Variants in COMMD10 observed in about 807,000 individuals in gnomAD.
The protein encoded by COMMD10 is COMM domain containing 10, also known as COMM domain-containing protein 10.
A neutral mutation model predicts 28.9 loss-of-function variants in COMMD10; 33 were observed. The ratio of observed to expected loss-of-function variants is 1.14; its 90% confidence interval spans 0.87 to 1.53. The LOEUF is 1.53. COMMD10 is among the 40% of genes most tolerant of loss of function. COMMD10 has a pLI of 0.00. For synonymous variants in COMMD10, 110 were observed against 81.7 expected, an observed-to-expected ratio of 1.35 and a Z score of -1.87; for missense variants, 310 against 233.4, an observed-to-expected ratio of 1.33 and a Z score of -2.14.
At chr5:116,168,074 A>T (rs1171153963) in intron 5 of COMMD10, among the ~76,000 whole-genome samples, 2 of 150,756 alleles carry the variant, frequency 1.3e-5, no homozygotes, top group African/African-American at 4.9e-5. Context: ...GGTGTGCTGT[A>T]TTCAGGAGAC....
intron 5 of COMMD10, among the ~76,000 whole-genome samples, chr5:116,250,919 G>A (rs375106925): frequency 3.3e-5 from 5 of 151,982 alleles, no homozygotes; most frequent in African/African-American, 1.2e-4. Flanking sequence ...AAAGGGTGAC[G>A]TTTCTGTTGT....
At chr5:116,146,344 C>G (rs1178989480) in intron 5 of COMMD10, among the ~76,000 whole-genome samples, 2 of 151,762 alleles carry the variant, frequency 1.3e-5, no homozygotes, top group Non-Finnish European at 2.9e-5. Context: ...GCCCATTACC[C>G]CAGTGATACT....
intron 5 of COMMD10, among the ~76,000 whole-genome samples, chr5:116,177,335 A>C (rs1753549179): frequency 1.3e-5 from 2 of 152,174 alleles, no homozygotes; most frequent in Admixed American, 1.3e-4. Flanking sequence ...ATGTAAATGT[A>C]AATGCTCTTT....
chr5:116,157,262 T>C (rs1752747758), intron 5 of COMMD10, among the ~76,000 whole-genome samples: 1 of 152,204 alleles, frequency 6.6e-6, no homozygotes, highest in Admixed American at 6.6e-5. Context: ...ACCTTACCTT[T>C]GGTAACATCA....
chr5:116,223,384 T>C (rs1181617593), intron 5 of COMMD10, among the ~76,000 whole-genome samples: 1 of 152,100 alleles, frequency 6.6e-6, no homozygotes, highest in African/African-American at 2.4e-5. Context: ...AGGATATGGC[T>C]ATCTATATTT....
At chr5:116,175,012 A>G (rs547678157) in intron 5 of COMMD10, among the ~76,000 whole-genome samples, 2 of 152,112 alleles carry the variant, frequency 1.3e-5, no homozygotes, top group Non-Finnish European at 2.9e-5. Context: ...GTGGAGAACC[A>G]GTTTGCTGGG....
rs191738665 is a variant in COMMD10 at position 116,271,808 on chromosome 5, C to G, written c.511-19709C>G. On this transcript the variant is annotated intron_variant, in intron 5 of 6. Coordinates refer to ENST00000274458, the MANE Select transcript of COMMD10 (RefSeq NM_016144.4). Reference sequence around the variant, plus strand: ...ACTCTTAGGCCATTATTTCCCCCTACTTTACATAATATTGCTCCATACAAA... The same window carrying G: ...ACTCTTAGGCCATTATTTCCCCCTAGTTTACATAATATTGCTCCATACAAA... Among the ~76,000 whole-genome samples, 388 of 151,986 alleles carry G rather than the reference C, an allele frequency of 2.6e-3. 1 individual carries two copies. The highest frequency in any genetic ancestry group is 4.4e-3 in the Non-Finnish European group (297 of 68,008).
intron 5 of COMMD10, among the ~76,000 whole-genome samples, chr5:116,284,487 T>C (rs1751166705): frequency 6.6e-6 from 1 of 151,932 alleles, no homozygotes; most frequent in Non-Finnish European, 1.5e-5. Flanking sequence ...TCTCTTCTTA[T>C]TCAGTATGAC....
intron 4 of COMMD10, among the ~76,000 whole-genome samples, chr5:116,118,360 G>C (rs546625215): frequency 6.6e-6 from 1 of 152,086 alleles, no homozygotes; most frequent in East Asian, 1.9e-4. Context: ...TTGTCTGTTT[G>C]TTTACTGCTG....
chr5:116,277,863 C>T (rs77360896), intron 5 of COMMD10, among the ~76,000 whole-genome samples: 7,275 of 151,884 alleles, frequency 0.048, 304 homozygotes, highest in African/African-American at 0.092. Flanking sequence ...TTATTTCATT[C>T]AGGATGCCAA....
At chr5:116,284,025 G>A (rs1296964688) in intron 5 of COMMD10, among the ~76,000 whole-genome samples, 2 of 151,606 alleles carry the variant, frequency 1.3e-5, no homozygotes, top group Non-Finnish European at 2.9e-5. Flanking sequence ...GCTACTCACA[G>A]GCTGAGGCAG....
intron 5 of COMMD10, among the ~76,000 whole-genome samples, chr5:116,269,253 T>C (rs1750691184): frequency 6.6e-6 from 1 of 151,764 alleles, no homozygotes; most frequent in Admixed American, 6.6e-5. Context: ...AGTACTGAAA[T>C]AGTGTTTTAT....
At chr5:116,278,306 TCAG>T (rs759159494) in intron 5 of COMMD10, among the ~76,000 whole-genome samples, 2 of 151,792 alleles carry the variant, frequency 1.3e-5, no homozygotes, top group Non-Finnish European at 2.9e-5. Flanking sequence ...CTGATTATAT[TCAG>T]CAACCATAGC....
intron 5 of COMMD10, among the ~76,000 whole-genome samples, chr5:116,190,129 A>G (rs6594957): frequency 0.33 from 50,038 of 151,960 alleles, 11,907 homozygotes; most frequent in African/African-American, 0.68. Context: ...TTGCAGCTTC[A>G]AGCACCACAG....
chr5:116,273,346 A>G (rs1230941941), intron 5 of COMMD10, among the ~76,000 whole-genome samples: 5 of 151,810 alleles, frequency 3.3e-5, no homozygotes, highest in Non-Finnish European at 1.5e-5. Flanking sequence ...AACCAGCCAT[A>G]TGTGACCTGT....
chr5:116,231,925 T>C (rs1312902352), intron 5 of COMMD10, among the ~76,000 whole-genome samples: 1 of 152,052 alleles, frequency 6.6e-6, no homozygotes, highest in Non-Finnish European at 1.5e-5. Context: ...CAGTTTAAGG[T>C]ATGTTTAAAA....
At chr5:116,157,834 A>G (rs895292666) in intron 5 of COMMD10, among the ~76,000 whole-genome samples, 1 of 152,184 alleles carries the variant, frequency 6.6e-6, no homozygotes, top group Non-Finnish European at 1.5e-5. Context: ...CATCATGTCC[A>G]GAACTGCTAG....
chr5:116,125,707 C>G (rs1351996746), intron 4 of COMMD10, among the ~76,000 whole-genome samples: 1 of 152,108 alleles, frequency 6.6e-6, no homozygotes, highest in African/African-American at 2.4e-5. Flanking sequence ...TAGATTTGGT[C>G]TTTTCACATA....
Position 116,120,515 on chromosome 5 carries a change from A to T in COMMD10, c.400-13553A>T, listed in dbSNP as rs142114835. On this transcript the variant is annotated intron_variant, in intron 4 of 6. Transcript: ENST00000274458. ...AACTATTGAAATAAAATTAAAAAAAATTTTTTTTAAAGATAGAGTATTTTC... is the reference window on the plus strand; with the variant it reads ...AACTATTGAAATAAAATTAAAAAAATTTTTTTTTAAAGATAGAGTATTTTC... Among the ~76,000 whole-genome samples the T allele has an allele frequency of 9.2e-5, 14 of 152,182 alleles. 1 individual carries two copies. Among genetic ancestry groups the T allele is most frequent in the East Asian group, 1.9e-4 (1 of 5,188 alleles).
Sources: gnomAD v4.1 joint callset for allele counts (sites outside exome capture counted in the v4.1 genomes callset) on GRCh38, gnomAD v4.1.1 for gene constraint, MANE v1.5 for transcripts, NCBI Gene and HGNC (gene_info 2026-07-23, HGNC 2026-07-21) for gene names.